The following CADPS variants were observed in gnomAD, a reference collection of about 807,000 sequenced individuals.
CADPS encodes calcium-dependent secretion activator 1.
CADPS carries 57 observed loss-of-function variants against 167.3 expected under a neutral mutation model. The ratio of observed to expected loss-of-function variants is 0.34; its 90% CI spans 0.28 to 0.42. The LOEUF (loss-of-function observed/expected upper bound fraction) is 0.42. Ranked by LOEUF, CADPS falls within the 20% of genes least tolerant of loss-of-function variation. The probability of loss-of-function intolerance (pLI) is 1.00; values close to 1 mark genes in which losing one functional copy is unlikely to be tolerated. For synonymous variants in CADPS, 676 were observed against 635.3 expected (o/e 1.06, Z -0.96); for missense variants, 1,414 against 1,738.1 (o/e 0.81, Z 3.32).
intron 3 of CADPS, among the ~76,000 whole-genome samples, chr3:62,740,787 A>C (rs1316685474): frequency 6.6e-6 from 1 of 152,188 alleles, no homozygotes; most frequent in African/African-American, 2.4e-5. Flanking sequence ...TGGGCTCCTT[A>C]CATACCTTAT....
Position 62,642,915 on chromosome 3 carries a change from GACAAAACAAAACAAA to G in CADPS, c.1325+2792_1325+2806del, listed in dbSNP as rs59057183. ...GACAGAGTAAGACCCTATCTCAAAA[GACAAAACAAAACAAA>G]ACAAAACAAAACAAAACAAAACAAA... On this transcript the variant is annotated intron_variant, in intron 6 of 29. Transcript: ENST00000383710. Among the ~76,000 whole-genome samples the G allele has an allele frequency of 3.5e-3, 510 of 146,884 alleles. 2 individuals are homozygous for G. The highest frequency in any genetic ancestry group is 0.014 in the Middle Eastern group (4 of 290).
intron 28 of CADPS, among the ~76,000 whole-genome samples, chr3:62,416,869 C>CT (rs34433413): frequency 0.23 from 34,447 of 147,682 alleles, 4,680 homozygotes; most frequent in South Asian, 0.36. Flanking sequence ...CATTAATATA[C>CT]TTTTTTTTTT....
At chr3:62,605,621 T>A (rs1391405026) in intron 6 of CADPS, among the ~76,000 whole-genome samples, 1 of 152,164 alleles carries the variant, frequency 6.6e-6, no homozygotes, top group Middle Eastern at 3.2e-3. Context: ...AGCTTCTACA[T>A]CCAGCTGTGC....
intron 6 of CADPS, among the ~76,000 whole-genome samples, chr3:62,606,602 C>A (rs1036904383): frequency 6.6e-6 from 1 of 152,188 alleles, no homozygotes; most frequent in African/African-American, 2.4e-5. Context: ...TTCAGGTATT[C>A]TGTAATAAAC....
At chr3:62,705,174 C>T (rs2151646506) in intron 3 of CADPS, among the ~76,000 whole-genome samples, 1 of 152,252 alleles carries the variant, frequency 6.6e-6, no homozygotes, top group South Asian at 2.1e-4. Context: ...GTAACTCTCT[C>T]ACCATTTGTG....
In CADPS at chr3:62,492,286, A is replaced by G. The variant is rs2063880924; in HGVS notation, c.2884+4T>C. 3 of 1,613,624 alleles carry G rather than the reference A, an allele frequency of 1.9e-6. No homozygotes were observed. Among genetic ancestry groups the G allele is most frequent in the African/African-American group, 1.3e-5 (1 of 75,046 alleles). On this transcript the variant is annotated splice_donor_region_variant and intron_variant, in intron 20 of 29. Transcript: ENST00000383710. ...AAAGTCAAACAGTCAAAGGTAATAC[A>G]TACAGTCAGTACGGAGAAAATCATT...
At chr3:62,417,588 A>G (rs2050396177) in intron 28 of CADPS, among the ~76,000 whole-genome samples, 1 of 152,086 alleles carries the variant, frequency 6.6e-6, no homozygotes, top group Non-Finnish European at 1.5e-5. Flanking sequence ...CCTGGCCAGA[A>G]CAGAAGAACT....
rs369120073 is a variant in CADPS, at chr3:62,597,832, C to G, written c.1326-5084G>C. ...AAGCTGTCAGGTCACTAATGAATCC[C>G]AGTTTAACTATTTAACTATCAGATT... On this transcript the variant is annotated intron_variant, in intron 6 of 29. Transcript: ENST00000383710. Among the ~76,000 whole-genome samples, 11 of 152,250 alleles carry G rather than the reference C, an allele frequency of 7.2e-5. No individual in the cohort carries two copies. In the South Asian group the frequency reaches 2.3e-3, roughly 32 times the overall value.
intron 6 of CADPS, among the ~76,000 whole-genome samples, chr3:62,630,098 G>C (rs2065003085): frequency 6.6e-6 from 1 of 152,072 alleles, no homozygotes; most frequent in Non-Finnish European, 1.5e-5. Flanking sequence ...GGGTTGCTGA[G>C]GGTGGAGACT....
intron 13 of CADPS, among the ~76,000 whole-genome samples, chr3:62,522,497 G>C (rs747745688): frequency 6.6e-6 from 1 of 152,112 alleles, no homozygotes; most frequent in Non-Finnish European, 1.5e-5. Flanking sequence ...GAACCACTGT[G>C]TCAGTCCTGC....
Position 62,585,251 on chromosome 3 carries a change from G to T in CADPS, c.1511C>A (p.Pro504His). Residue 504 changes from proline (P) to histidine (H), a missense_variant, in exon 8 of 30, where the codon CCC becomes CAC. Transcript: ENST00000383710. Reference protein sequence around the residue: ...WHKMTVSKNCPDQDLKIKLAV... With the variant: ...WHKMTVSKNCHDQDLKIKLAV... ...AAGTTTGATTTTGAGATCTTGGTCG[G>T]GGCAGTTTTTGGAGACTGTCATTTT... 1 of 1,613,892 alleles carries T rather than the reference G, an allele frequency of 6.2e-7. No individual in the cohort carries two copies. Among genetic ancestry groups the T allele is most frequent in the East Asian group, 2.2e-5 (1 of 44,862 alleles).
rs2150846549 is a variant in CADPS, at chr3:62,481,869, C to T, written c.3027G>A (p.Lys1009=). 1 of 1,605,642 alleles carries T rather than the reference C, an allele frequency of 6.2e-7. No homozygotes were observed. The highest frequency in any genetic ancestry group is 8.5e-7 in the Non-Finnish European group (1 of 1,176,988). The change falls in exon 22 of 30, where the codon AAG becomes AAA. Residue 1009 remains lysine, a splice_region_variant and synonymous_variant. Transcript: ENST00000383710. ...CATTGGGTAGGTTACTGGTTAAACT[C>T]CTGTGGAAGAAACAGACAGAAAGAA... ...GFERESWEPV[K]SLTSNLPNVN...
chr3:62,469,743 C>T (rs529523196), intron 24 of CADPS: 21 of 159,394 alleles, frequency 1.3e-4, no homozygotes, highest in South Asian at 8.5e-4. Context: ...CTCTTGACCT[C>T]GTGATCCGCC....
intron 2 of CADPS, among the ~76,000 whole-genome samples, chr3:62,763,731 A>C (rs2086142674): frequency 6.6e-6 from 1 of 152,224 alleles, no homozygotes; most frequent in African/African-American, 2.4e-5. Context: ...TTCACTTTAG[A>C]GGATTAGACT....
Position 62,555,483 on chromosome 3 carries a change from G to A in CADPS, c.1753+1922C>T, listed in dbSNP as rs138709506. ...CCAAAGCGTGACATGGGTTAGACCC[G>A]GAGTCCCAGCTCAGCCACCAGGCAG... On this transcript the variant is annotated intron_variant, in intron 10 of 29. Coordinates refer to ENST00000383710, the MANE Select transcript of CADPS (RefSeq NM_003716.4). 7.1e-4 allele frequency among the ~76,000 whole-genome samples: 108 copies of A among 152,264 alleles called. 1 individual carries two copies. In the East Asian group the frequency reaches 0.019, roughly 26 times the overall value.
intron 28 of CADPS, among the ~76,000 whole-genome samples, chr3:62,432,982 C>T (rs535433108): frequency 3.9e-5 from 6 of 152,230 alleles, no homozygotes; most frequent in Admixed American, 2.0e-4. Flanking sequence ...GAATCCTATG[C>T]ACCTCTCCCC....
At chr3:62,626,568 A>T (rs2064131249) in intron 6 of CADPS, 1 of 702,518 alleles carries the variant, frequency 1.4e-6, no homozygotes, top group Non-Finnish European at 2.6e-6. Context: ...GTTTCTCCTG[A>T]TTACCCTAGG....
At chr3:62,837,777 T>C (rs2076101366) in intron 1 of CADPS, among the ~76,000 whole-genome samples, 1 of 152,190 alleles carries the variant, frequency 6.6e-6, no homozygotes, top group Admixed American at 6.5e-5. Flanking sequence ...ACTAGCTGAG[T>C]TGACTTGGGG....
Position 62,874,617 on chromosome 3 carries a change from G to A in CADPS, c.413C>T (p.Pro138Leu). 6.4e-7 allele frequency: 1 copy of A among 1,559,088 alleles called. No homozygotes were observed. Among genetic ancestry groups the A allele is most frequent in the East Asian group, 2.4e-5 (1 of 41,728 alleles). ...CTGCTGCCGGCGAGCCATGTCGGTG[G>A]GCTGCTTGGCATTAAAGGGGTAGGC... ...CIAYPFNAKQ[P>L]TDMARRQQKI... Residue 138 changes from proline to leucine, a missense_variant, in exon 1 of 30, where the codon CCC becomes CTC. Physicochemically the swap from Pro to Leu is moderately conservative, Grantham distance 98. Around this residue, in one of 6 missense-constraint regions of CADPS, gnomAD observed 522 missense variants for 559.5 expected, o/e 0.93. Coordinates refer to ENST00000383710, the MANE Select transcript of CADPS (RefSeq NM_003716.4). The surrounding 1 kb of genome is among the most constrained non-coding windows in gnomAD (Gnocchi z 7.1).
Sources: allele counts gnomAD v4.1 joint callset (sites outside exome capture counted in the v4.1 genomes callset), GRCh38; gene constraint gnomAD v4.1.1; regional missense constraint gnomAD v4.1.1; non-coding constraint Gnocchi (gnomAD v3.1); transcripts MANE v1.5; gene names NCBI Gene and HGNC (gene_info 2026-07-23, HGNC 2026-07-21).